The following SLC44A5 variants were observed in gnomAD, a reference collection of about 807,000 sequenced individuals.
SLC44A5 encodes the protein choline transporter-like protein 5.
Under a neutral mutation model 101.8 loss-of-function variants are expected in SLC44A5, and 57 were observed. The observed-to-expected ratio is 0.56, with a 90% CI of 0.45 to 0.70. The LOEUF is 0.70. Among genes scored for constraint, SLC44A5 ranks in the 30% least tolerant of loss-of-function variants. The pLI is 0.00. For synonymous variants in SLC44A5, 281 were observed against 290.9 expected (o/e 0.97, Z 0.35); for missense variants, 737 against 853.1 (o/e 0.86, Z 1.70).
At chr1:75,358,003 T>TACAC (rs145085735) in intron 3 of SLC44A5, among the ~76,000 whole-genome samples, 15,338 of 139,076 alleles carry the variant, frequency 0.11, 926 homozygotes, top group Admixed American at 0.22. Flanking sequence ...CAATGTCACT[T>TACAC]ACACACACAC....
chr1:75,211,614 C>A, intron 22 of SLC44A5, 62 bp from the exon 23 acceptor site: 3 of 1,231,704 alleles, frequency 2.4e-6, no homozygotes, highest in East Asian at 2.4e-5. Flanking sequence ...AAGAATAATG[C>A]AGCTATAAAT....
intron 2 of SLC44A5, among the ~76,000 whole-genome samples, chr1:75,424,363 TG>T (rs1453527952): frequency 6.6e-6 from 1 of 152,174 alleles, no homozygotes; most frequent in Non-Finnish European, 1.5e-5. Flanking sequence ...TGGAGTGCAG[TG>T]GCATGATCTC....
chr1:75,486,098 A>G (rs1356547538), intron 2 of SLC44A5, among the ~76,000 whole-genome samples: 2 of 152,236 alleles, frequency 1.3e-5, no homozygotes, highest in Non-Finnish European at 2.9e-5. Context: ...TAATAAAATA[A>G]TAATATGAAA....
Position 75,218,717 on chromosome 1 carries a change from A to G in SLC44A5, c.1302T>C (p.Pro434=), listed in dbSNP as rs774385335. Residue 434 remains proline, a synonymous_variant, in exon 17 of 24, where the codon CCT becomes CCC. Coordinates refer to ENST00000370859, the MANE Select transcript of SLC44A5 (RefSeq NM_001130058.2). The part of the protein sequence containing the change: ...FNTTEIAKAC[P]GALCNFAFYG... ...AGAAAGCAAAGTTACACAGAGCCCC[A>G]GGGCAAGCTTTGGCAATTTCAGTTG... 1 of 1,613,112 alleles carries G rather than the reference A, an allele frequency of 6.2e-7. No individual in the cohort carries two copies. The highest frequency in any genetic ancestry group is 8.5e-7 in the Non-Finnish European group (1 of 1,179,506).
chr1:75,231,235 G>A (rs899732941), intron 12 of SLC44A5, among the ~76,000 whole-genome samples: 5 of 152,104 alleles, frequency 3.3e-5, no homozygotes, highest in Non-Finnish European at 5.9e-5. Flanking sequence ...TAAGTCTCCC[G>A]ATCCCAGCAC....
chr1:75,302,513 T>C (rs925815979), intron 4 of SLC44A5, among the ~76,000 whole-genome samples: 6 of 152,158 alleles, frequency 3.9e-5, no homozygotes, highest in African/African-American at 7.2e-5. Flanking sequence ...TAGTCTCCCC[T>C]TATTCGCAAG....
chr1:75,286,243 A>T (rs1653035387), intron 5 of SLC44A5, among the ~76,000 whole-genome samples: 1 of 151,986 alleles, frequency 6.6e-6, no homozygotes, highest in African/African-American at 2.4e-5. Context: ...GTCTTTTTAA[A>T]CTGTGGTCAC....
chr1:75,309,979 C>T (rs572789876), intron 4 of SLC44A5, among the ~76,000 whole-genome samples: 2 of 152,194 alleles, frequency 1.3e-5, no homozygotes, highest in South Asian at 4.2e-4. Context: ...TATAACACAG[C>T]ATTACTAGTA....
chr1:75,532,380 C>T (rs1180372088), intron 2 of SLC44A5, among the ~76,000 whole-genome samples: 1 of 150,920 alleles, frequency 6.6e-6, no homozygotes, highest in Admixed American at 6.6e-5. Context: ...AATAATAGTT[C>T]CTATTTTCAT....
intron 2 of SLC44A5, among the ~76,000 whole-genome samples, chr1:75,400,713 G>A (rs1329585061): frequency 1.3e-5 from 2 of 152,118 alleles, no homozygotes; most frequent in Non-Finnish European, 2.9e-5. Context: ...GAGCCCACCT[G>A]CTTGGCTTTG....
At chr1:75,412,432 C>T (rs147815964) in intron 2 of SLC44A5, among the ~76,000 whole-genome samples, 126 of 152,178 alleles carry the variant, frequency 8.3e-4, no homozygotes, top group African/African-American at 2.7e-3. Context: ...GAGCTTAGAT[C>T]GAACCTCAGA....
the SLC44A5 span, among the ~76,000 whole-genome samples, chr1:75,639,137 C>T: frequency 6.6e-6 from 1 of 151,924 alleles, no homozygotes; most frequent in Non-Finnish European, 1.5e-5. Flanking sequence ...ATCTATCATA[C>T]AACATGGTTA....
intron 3 of SLC44A5, among the ~76,000 whole-genome samples, chr1:75,386,601 G>A (rs1027771891): frequency 1.1e-4 from 16 of 152,288 alleles, no homozygotes; most frequent in Middle Eastern, 3.4e-3. Context: ...TCATGGGTAG[G>A]AAAAGTCAAT....
chr1:75,711,898 T>C, the SLC44A5 span, among the ~76,000 whole-genome samples: 1 of 152,230 alleles, frequency 6.6e-6, no homozygotes, highest in South Asian at 2.1e-4. Context: ...ACACAAGAGT[T>C]CCATTAATAT....
At chr1:75,278,913 T>G (rs571635655) in intron 5 of SLC44A5, among the ~76,000 whole-genome samples, 6 of 151,868 alleles carry the variant, frequency 4.0e-5, no homozygotes, top group African/African-American at 1.5e-4. Flanking sequence ...TTTATTTTAT[T>G]TTATATTGTT....
At chr1:75,621,675 G>A in the SLC44A5 span, among the ~76,000 whole-genome samples, 7 of 152,068 alleles carry the variant, frequency 4.6e-5, no homozygotes, top group South Asian at 1.0e-3. Flanking sequence ...TTGTAACATC[G>A]AAGGATGTCA....
chr1:75,690,610 G>A, the SLC44A5 span, among the ~76,000 whole-genome samples: 1 of 152,150 alleles, frequency 6.6e-6, no homozygotes, highest in Admixed American at 6.5e-5. Flanking sequence ...CCATAGTGTT[G>A]GCCAAGCTGG....
At position 75,203,376 on chromosome 1, in the gene SLC44A5, A is replaced by C. The variant is rs1646694665; in HGVS notation, c.*351T>G. ...GTCTTCTTTTAGTTGTAATTTTAAA[A>C]ATATATTAGGAGCTATCAATTTAAG... On this transcript the variant is annotated 3_prime_UTR_variant, in exon 24 of 24. Coordinates refer to ENST00000370859, the MANE Select transcript of SLC44A5 (RefSeq NM_001130058.2). 1 of 159,536 alleles carries C rather than the reference A, an allele frequency of 6.3e-6. No individual in the cohort carries two copies. The highest frequency in any genetic ancestry group is 1.4e-5 in the Non-Finnish European group (1 of 73,076). The allele number at this position is 159,536 out of a possible 1,614,324, so 9.9% of individuals were successfully genotyped here. A position where few individuals can be genotyped will look rare whatever the true frequency, so the allele number is the denominator to read the frequency against.
intron 2 of SLC44A5, among the ~76,000 whole-genome samples, chr1:75,444,592 A>C (rs1665437782): frequency 6.6e-6 from 1 of 151,710 alleles, no homozygotes; most frequent in South Asian, 2.1e-4. Context: ...TTTTTTTTTA[A>C]GATGGGAGAT....
Sources: gnomAD v4.1 joint callset for allele counts (sites outside exome capture counted in the v4.1 genomes callset) on GRCh38, gnomAD v4.1.1 for gene constraint, MANE v1.5 for transcripts, NCBI Gene and HGNC (gene_info 2026-07-23, HGNC 2026-07-21) for gene names.